TNRC6A: variants seen among roughly 807,000 people sequenced by gnomAD.
TNRC6A encodes the protein trinucleotide repeat containing adaptor 6A.
Under a neutral mutation model 221.2 loss-of-function variants are expected in TNRC6A, and 44 were observed. The ratio of observed to expected loss-of-function variants is 0.20; its 90% CI spans 0.16 to 0.26. The LOEUF (loss-of-function observed/expected upper bound fraction) is 0.26, where lower values mean the gene tolerates loss of function less well. Ranked by LOEUF, TNRC6A falls within the 10% of genes least tolerant of loss-of-function variation. The pLI, the probability that TNRC6A is intolerant of heterozygous loss-of-function variation, is 1.00. For synonymous variants in TNRC6A, 847 were observed against 838.5 expected (o/e 1.01, Z -0.18); for missense variants, 2,199 against 2,404.4 (o/e 0.91, Z 1.79).
chr16:24,634,386 T>C (rs1333491752), intron 1 of TNRC6A, among the ~76,000 whole-genome samples: 1 of 152,026 alleles, frequency 6.6e-6, no homozygotes, highest in Non-Finnish European at 1.5e-5. Context: ...GCCGAGATCA[T>C]GCCACTACAC....
chr16:24,774,407 A>G (rs1041823934), intron 4 of TNRC6A, among the ~76,000 whole-genome samples: 14 of 152,204 alleles, frequency 9.2e-5, no homozygotes, highest in African/African-American at 2.7e-4. Context: ...TGTATTCCAC[A>G]TGGTACTTTA....
chr16:24,760,273 T>G (rs767197654), intron 4 of TNRC6A, among the ~76,000 whole-genome samples: 1 of 152,190 alleles, frequency 6.6e-6, no homozygotes, highest in Non-Finnish European at 1.5e-5. Context: ...TCTTAGGATG[T>G]TATAATCTCA....
At chr16:24,821,927 C>CGAGCTGAAATTCTGGGCCTAGGG (rs1567527030) in intron 22 of TNRC6A, 150 bp from the exon 23 acceptor site, 1 of 708,622 alleles carries the variant, frequency 1.4e-6, no homozygotes, top group African/African-American at 1.8e-5. Context: ...ATGGCTAGGG[C>CGAGCTGAAATTCTGGGCCTAGGG]GAGCTGAAAT....
At chr16:24,644,736 AG>A (rs1304173270) in intron 2 of TNRC6A, among the ~76,000 whole-genome samples, 2 of 152,030 alleles carry the variant, frequency 1.3e-5, no homozygotes, top group Non-Finnish European at 1.5e-5. Context: ...TACAGGCATG[AG>A]CCACCACACC....
chr16:24,737,606 AT>A lies in TNRC6A; in HGVS notation c.53+7310del, dbSNP rs201602522. The stretch of plus-strand genomic sequence containing the variant: ...AAACAGATTGAAACCTGGTTGAAGA[AT>A]TTTATACTTTGAACCTTACAAGATA... On this transcript the variant is annotated intron_variant, in intron 2 of 24. Coordinates refer to ENST00000395799, the MANE Select transcript of TNRC6A (RefSeq NM_014494.4). 8.5e-3 allele frequency among the ~76,000 whole-genome samples: 1,297 copies of A among 152,358 alleles called. 13 individuals are homozygous for A. Among genetic ancestry groups the A allele is most frequent in the Non-Finnish European group, 0.014 (953 of 68,024 alleles).
chr16:24,624,282 G>T (rs1900844078), intron 1 of TNRC6A, among the ~76,000 whole-genome samples: 1 of 152,132 alleles, frequency 6.6e-6, no homozygotes, highest in Non-Finnish European at 1.5e-5. Context: ...CATCCCATTG[G>T]GTCACAGCAG....
At chr16:24,781,010 A>G (rs552631510) in intron 5 of TNRC6A, among the ~76,000 whole-genome samples, 1 of 134,450 alleles carries the variant, frequency 7.4e-6, no homozygotes, top group African/African-American at 2.9e-5. Flanking sequence ...GATCTTCTCT[A>G]TCCTTAAAAA....
chr16:24,702,193 T>A (rs995626956), intron 2 of TNRC6A, among the ~76,000 whole-genome samples: 1 of 150,462 alleles, frequency 6.6e-6, no homozygotes, highest in Non-Finnish European at 1.5e-5. Context: ...TTTTTTTTTT[T>A]TTGAGGCAGG....
At chr16:24,617,768 T>C (rs925467628) in intron 1 of TNRC6A, among the ~76,000 whole-genome samples, 2 of 152,224 alleles carry the variant, frequency 1.3e-5, no homozygotes, top group Non-Finnish European at 2.9e-5. Context: ...GTTCTTCAGC[T>C]ACGCCTGCTG....
chr16:24,801,956 C>CA (rs762784458), intron 11 of TNRC6A, among the ~76,000 whole-genome samples: 5 of 141,866 alleles, frequency 3.5e-5, no homozygotes, highest in Non-Finnish European at 7.9e-5. Context: ...GACATCTTAA[C>CA]AGGGAGAGAG....
In TNRC6A at chr16:24,729,845, AG is replaced by A; in HGVS notation, c.5+1del. MRELEAKATKDV... is the reference protein window; with the variant it reads MXELEAKATKDV... The stretch of plus-strand genomic sequence containing the variant: ...CTTGCTCGTGCACTTTACACACATG[AG>A]GTGAGCGGAACAAGGGCCTCCCTCC... On this transcript the variant is annotated frameshift_variant and splice_region_variant, in exon 1 of 25. Coordinates refer to ENST00000395799, the MANE Select transcript of TNRC6A (RefSeq NM_014494.4). LOFTEE classifies it high-confidence loss of function. The A allele has an allele frequency of 7.3e-7, 1 of 1,366,904 alleles. No homozygotes were observed. 84.7% of individuals were successfully genotyped at this position (1,366,904 alleles called of 1,614,324 possible).
chr16:24,796,676 G>C (rs943870093), intron 9 of TNRC6A, among the ~76,000 whole-genome samples: 6 of 152,180 alleles, frequency 3.9e-5, no homozygotes, highest in Admixed American at 3.9e-4. Context: ...CCTGCATTTG[G>C]GGGGAAGTTG....
chr16:24,645,260 C>G (rs1310231067), intron 2 of TNRC6A, among the ~76,000 whole-genome samples: 3 of 152,122 alleles, frequency 2.0e-5, no homozygotes, highest in Non-Finnish European at 4.4e-5. Context: ...AATCCCAGCA[C>G]TTTAGGAGGC....
At chr16:24,796,232 A>G (rs911644311) in intron 9 of TNRC6A, 2 of 344,096 alleles carry the variant, frequency 5.8e-6, no homozygotes, top group Non-Finnish European at 5.3e-6. Flanking sequence ...AAGAAGTGAC[A>G]AGAGATCTGG....
intron 1 of TNRC6A, among the ~76,000 whole-genome samples, chr16:24,623,901 CAAAAAAAA>C (rs67546745): frequency 0.011 from 581 of 55,240 alleles, 3 homozygotes; most frequent in African/African-American, 0.038. Flanking sequence ...GACCCTGTCT[CAAAAAAAA>C]AAAAAAAAAA....
rs1355912949 is a variant in TNRC6A, at chr16:24,815,277, C to T, written c.4803C>T (p.Asn1601=). The T allele has an allele frequency of 8.1e-6, 13 of 1,614,102 alleles. No homozygotes were observed. In the East Asian group the frequency reaches 1.3e-4, roughly 17 times the overall value. ...GCTGGCCACGTGCCAAATCGCCTAA[C>T]GGCTCTAGCAGTGTTAATTGGCCAC... ...GDGWPRAKSP[N]GSSSVNWPPE... Residue 1601 remains asparagine (N), a synonymous_variant, in exon 19 of 25, where the codon AAC becomes AAT. Coordinates refer to ENST00000395799, the MANE Select transcript of TNRC6A (RefSeq NM_014494.4).
chr16:24,619,610 C>T (rs1251121029), intron 1 of TNRC6A, among the ~76,000 whole-genome samples: 1 of 152,026 alleles, frequency 6.6e-6, no homozygotes, highest in Admixed American at 6.6e-5. Flanking sequence ...AGGTAAAAAT[C>T]CTGGGATGTA....
At chr16:24,692,826 T>G (rs1294302796) in intron 2 of TNRC6A, among the ~76,000 whole-genome samples, 1 of 152,040 alleles carries the variant, frequency 6.6e-6, no homozygotes, top group African/African-American at 2.4e-5. Flanking sequence ...ATCTAACACC[T>G]CACCAGGAGC....
chr16:24,822,900 G>T lies in TNRC6A; in HGVS notation c.5400G>T (p.Leu1800=). 1.2e-6 allele frequency: 2 copies of T among 1,614,016 alleles called. No homozygotes were observed. The highest frequency in any genetic ancestry group is 1.7e-6 in the Non-Finnish European group (2 of 1,180,046). Reference sequence around the variant, plus strand: ...TCGATGGCTCAACTCTGCGCACTCTGTGCATGCAGCACGGCCCGCTGATCA... The same window carrying T: ...TCGATGGCTCAACTCTGCGCACTCTTTGCATGCAGCACGGCCCGCTGATCA... ...PQIDGSTLRT[L]CMQHGPLITF... The change falls in exon 24 of 25, where the codon CTG becomes CTT. Residue 1800 remains leucine (L), a synonymous_variant. Transcript: ENST00000395799.
Sources: gnomAD v4.1 joint callset for allele counts (sites outside exome capture counted in the v4.1 genomes callset) on GRCh38, gnomAD v4.1.1 for gene constraint, MANE v1.5 for transcripts, NCBI Gene and HGNC (gene_info 2026-07-23, HGNC 2026-07-21) for gene names.